INTS2: variants seen among roughly 807,000 people sequenced by gnomAD.
The protein encoded by INTS2 is KIAA1287.
A neutral mutation model predicts 139.6 loss-of-function variants in INTS2; 57 were observed. The observed-to-expected ratio is 0.41, with a 90% confidence interval of 0.33 to 0.51. INTS2 has a LOEUF of 0.51. Among genes scored for constraint, INTS2 ranks in the 20% least tolerant of loss-of-function variants. The probability of loss-of-function intolerance (pLI) is 0.28; values close to 1 mark genes in which losing one functional copy is unlikely to be tolerated. For missense variants in INTS2, 1,196 were observed against 1,436.7 expected (o/e 0.83, Z 2.71); for synonymous variants, 473 against 493.4 (o/e 0.96, Z 0.55).
chr17:61,896,038 G>A (rs537274664), intron 11 of INTS2, among the ~76,000 whole-genome samples: 35 of 151,590 alleles, frequency 2.3e-4, no homozygotes, highest in South Asian at 8.3e-4. Flanking sequence ...TCAGGAGATC[G>A]ACACCATCCT....
chr17:61,915,388 T>C (rs2079570601), intron 5 of INTS2, among the ~76,000 whole-genome samples: 1 of 145,458 alleles, frequency 6.9e-6, no homozygotes, highest in South Asian at 2.1e-4. Context: ...AAGCCAGGTG[T>C]GGTGGCCCAT....
intron 8 of INTS2, among the ~76,000 whole-genome samples, chr17:61,906,349 C>G (rs1320301406): frequency 6.6e-6 from 1 of 152,188 alleles, no homozygotes; most frequent in African/African-American, 2.4e-5. Context: ...AAGGGATATT[C>G]AACCTTTACA....
chr17:61,907,400 T>C lies in INTS2; in HGVS notation c.1181+8A>G, dbSNP rs1454407705. ...GACAAAAAGGTAAAATATCAAACTA[T>C]TGAATACTTGAGTCCAGCGATCCCC... On this transcript the variant is annotated splice_region_variant and intron_variant, in intron 8 of 24. Coordinates refer to ENST00000251334, the MANE Select transcript of INTS2 (RefSeq NM_001351695.2). 6.4e-7 allele frequency: 1 copy of C among 1,559,738 alleles called. No homozygotes were observed.
At chr17:61,914,437 C>T (rs547116971) in intron 5 of INTS2, among the ~76,000 whole-genome samples, 1 of 152,028 alleles carries the variant, frequency 6.6e-6, no homozygotes, top group African/African-American at 2.4e-5. Flanking sequence ...CAGTGGCTCA[C>T]GCCTATAATC....
At chr17:61,888,898 G>A (rs1327948618) in intron 15 of INTS2, among the ~76,000 whole-genome samples, 4 of 151,906 alleles carry the variant, frequency 2.6e-5, no homozygotes, top group Non-Finnish European at 5.9e-5. Flanking sequence ...CGTAGCAGGC[G>A]CCTGTAGTCC....
chr17:61,897,110 T>C lies in INTS2; in HGVS notation c.1494+359A>G, dbSNP rs1177054549. ...GCAGTCATTAAAAATTATACTGTAT[T>C]ATAATATTTATTGATATGAGTAAAT... is the stretch of plus-strand genomic sequence containing the variant. On this transcript the variant is annotated intron_variant, in intron 11 of 24. Coordinates refer to ENST00000251334, the MANE Select transcript of INTS2 (RefSeq NM_001351695.2). The surrounding 1 kb of genome is among the most constrained non-coding windows in gnomAD (Gnocchi z 4.4). Among the ~76,000 whole-genome samples, 2 of 152,160 alleles carry C rather than the reference T, an allele frequency of 1.3e-5. No homozygotes were observed. The highest frequency in any genetic ancestry group is 6.6e-5 in the Admixed American group (1 of 15,262).
intron 15 of INTS2, among the ~76,000 whole-genome samples, chr17:61,888,725 G>A (rs1223408300): frequency 6.6e-6 from 1 of 151,838 alleles, no homozygotes; most frequent in Non-Finnish European, 1.5e-5. Flanking sequence ...CAATGTTAAC[G>A]GCAAAACGAA....
chr17:61,901,737 C>T lies in INTS2; in HGVS notation c.1307+2723G>A, dbSNP rs529164979. ...GCCTCAGCCTACAGGACTGCAGGCG[C>T]CCGCCACCATGACCGGCTAATATTT... On this transcript the variant is annotated intron_variant, in intron 9 of 24. Transcript: ENST00000251334. 2.9e-3 allele frequency among the ~76,000 whole-genome samples: 434 copies of T among 151,532 alleles called. 1 individual carries two copies. The highest frequency in any genetic ancestry group is 6.8e-3 in the Middle Eastern group (2 of 292).
Position 61,927,927 on chromosome 17 carries a change from C to G in INTS2, c.-292G>C. The G allele has an allele frequency of 6.2e-7, 1 of 1,613,926 alleles. No homozygotes were observed. Among genetic ancestry groups the G allele is most frequent in the African/African-American group, 1.3e-5 (1 of 75,024 alleles). On this transcript the variant is annotated 5_prime_UTR_variant, in exon 1 of 25. Coordinates refer to ENST00000251334, the MANE Select transcript of INTS2 (RefSeq NM_001351695.2). ...AAGCGGGAGACTTTTTCAACCTGCA[C>G]CCAGCACCTTCATTCATCCCCAGCG...
At position 61,871,274 on chromosome 17, in the gene INTS2, C is replaced by G. The variant is rs2079086389; in HGVS notation, c.2778+991G>C. The stretch of plus-strand genomic sequence containing the variant: ...TAGCTGGGACTACAGGTTTGGGCCA[C>G]CACGCCCGGCTAATTTTTGTATTTT... On this transcript the variant is annotated intron_variant, in intron 20 of 24. Transcript: ENST00000251334. The surrounding 1 kb of genome is among the most constrained non-coding windows in gnomAD (Gnocchi z 4.9). 6.6e-6 allele frequency among the ~76,000 whole-genome samples: 1 copy of G among 152,066 alleles called. No individual in the cohort carries two copies. Among genetic ancestry groups the G allele is most frequent in the East Asian group, 1.9e-4 (1 of 5,174 alleles).
Position 61,869,078 on chromosome 17 carries a change from CTAAG to C in INTS2, c.3196_3199del (p.Leu1066ValfsTer5). 6.2e-7 allele frequency: 1 copy of C among 1,613,004 alleles called. No individual in the cohort carries two copies. Among genetic ancestry groups the C allele is most frequent in the Non-Finnish European group, 8.5e-7 (1 of 1,179,188 alleles). On this transcript the variant is annotated frameshift_variant, in exon 23 of 25. Transcript: ENST00000251334. LOFTEE classifies it high-confidence loss of function. This position sits in a 1 kb window ranked among gnomAD's most constrained non-coding sequence, Gnocchi z 5.4. The stretch of plus-strand genomic sequence containing the variant: ...GACATTGACAGCTAAACGAGCCACA[CTAAG>C]TGACTTTGGTAATGCATATTGTATA...
At position 61,871,367 on chromosome 17, in the gene INTS2, C is replaced by A. The variant is rs758302407; in HGVS notation, c.2778+898G>T. ...AAACTCCTGAACTCAGGTGATCCAC[C>A]CACCTCAGCCACCCAAAGTGCTGGG... On this transcript the variant is annotated intron_variant, in intron 20 of 24. Transcript: ENST00000251334. The surrounding 1 kb of genome is among the most constrained non-coding windows in gnomAD (Gnocchi z 4.9). Among the ~76,000 whole-genome samples, 18 of 152,076 alleles carry A rather than the reference C, an allele frequency of 1.2e-4. No homozygotes were observed. The highest frequency in any genetic ancestry group is 2.4e-4 in the Non-Finnish European group (16 of 67,998).
chr17:61,880,584 T>A (rs2079168814), intron 17 of INTS2, among the ~76,000 whole-genome samples: 2 of 151,640 alleles, frequency 1.3e-5, no homozygotes, highest in African/African-American at 4.8e-5. Flanking sequence ...AAACCCCATC[T>A]CTACAAAAAC....
intron 8 of INTS2, among the ~76,000 whole-genome samples, chr17:61,904,946 ATTTT>A (rs547719682): frequency 3.5e-5 from 5 of 141,094 alleles, no homozygotes; most frequent in Non-Finnish European, 4.6e-5. Flanking sequence ...ATAATGCATA[ATTTT>A]TTTTTTTTTT....
Position 61,897,470 on chromosome 17 carries a change from T to A in INTS2, c.1493A>T (p.Lys498Met). The A allele has an allele frequency of 6.5e-7, 1 of 1,542,144 alleles. No homozygotes were observed. Among genetic ancestry groups the A allele is most frequent in the Non-Finnish European group, 8.7e-7 (1 of 1,146,346 alleles). The change falls in exon 11 of 25, where the codon AAG (lysine) becomes ATG (methionine). Residue 498 changes from lysine (K) to methionine (M), a missense_variant and splice_region_variant. Physicochemically the swap from Lys to Met is moderately conservative, Grantham distance 95. Coordinates refer to ENST00000251334, the MANE Select transcript of INTS2 (RefSeq NM_001351695.2). The surrounding 1 kb of genome is among the most constrained non-coding windows in gnomAD (Gnocchi z 4.4). ...IDLVCSTLGM[K>M]IVIKPSSLSR... ...AGAAAGAAGTTAAAAGAAAATTACC[T>A]TCATCCCCAAAGTGGAACAGACCAA...
At chr17:61,926,762 G>T in intron 1 of INTS2, 100 bp from the exon 2 acceptor site, 1 of 902,376 alleles carries the variant, frequency 1.1e-6, no homozygotes, top group Non-Finnish European at 1.8e-6. Flanking sequence ...TCTTTAATAG[G>T]TCCCTATGTT....
intron 3 of INTS2, 91 bp from the exon 4 acceptor site, chr17:61,921,918 T>A: frequency 1.5e-6 from 1 of 661,202 alleles, no homozygotes; most frequent in Non-Finnish European, 2.6e-6. Context: ...TCACAGATTA[T>A]GTCTCTTAAT....
chr17:61,896,980 C>A (rs2079356011), intron 11 of INTS2, among the ~76,000 whole-genome samples: 1 of 152,036 alleles, frequency 6.6e-6, no homozygotes, highest in Admixed American at 6.6e-5. Context: ...TGTGTATTTA[C>A]ATAAACAAGG....
intron 7 of INTS2, chr17:61,910,569 G>GT (rs2079516354): frequency 1.3e-5 from 2 of 148,454 alleles, no homozygotes; most frequent in Admixed American, 1.4e-4. Context: ...TCCAGCCTGG[G>GT]TGACAGAGTG....
Sources: gnomAD v4.1 joint callset for allele counts (sites outside exome capture counted in the v4.1 genomes callset) on GRCh38, gnomAD v4.1.1 for gene constraint, Gnocchi (gnomAD v3.1) non-coding constraint, MANE v1.5 for transcripts, NCBI Gene and HGNC (gene_info 2026-07-23, HGNC 2026-07-21) for gene names.